The following ERICH3 variants were observed in gnomAD, a reference collection of about 807,000 sequenced individuals.
ERICH3 encodes the protein glutamate-rich protein 3.
In ERICH3, 126 loss-of-function variants were observed where a neutral mutation model predicts 131.1. The ratio of observed to expected loss-of-function variants is 0.96; its 90% CI spans 0.83 to 1.11. The LOEUF is 1.11. Ranked by LOEUF, ERICH3 falls within the 50% of genes most tolerant of loss-of-function variation. ERICH3 has a pLI of 0.00. For missense variants in ERICH3, 2,050 were observed against 1,810.7 expected, an observed-to-expected ratio of 1.13 and a Z score of -2.40; for synonymous variants, 695 against 644.6, an observed-to-expected ratio of 1.08 and a Z score of -1.18.
intron 5 of ERICH3, among the ~76,000 whole-genome samples, chr1:74,638,437 C>T (rs1327865030): frequency 6.6e-6 from 1 of 152,130 alleles, no homozygotes; most frequent in African/African-American, 2.4e-5. Context: ...GAGGCTAATA[C>T]AACTTAAAGT....
intron 1 of ERICH3, among the ~76,000 whole-genome samples, chr1:74,659,035 A>T (rs780883759): frequency 1.3e-5 from 2 of 152,202 alleles, no homozygotes; most frequent in Non-Finnish European, 2.9e-5. Context: ...TGAAAGGAAA[A>T]TATAACATGG....
rs1355477917 is a variant in ERICH3 at position 74,631,807 on chromosome 1, C to G, written c.725G>C (p.Gly242Ala). The G allele has an allele frequency of 4.3e-6, 7 of 1,613,324 alleles. No individual in the cohort carries two copies. Among genetic ancestry groups the G allele is most frequent in the Non-Finnish European group, 5.9e-6 (7 of 1,179,626 alleles). Residue 242 changes from glycine to alanine, a missense_variant, in exon 7 of 15, where the codon GGG becomes GCG. Gly to Ala is a moderately conservative substitution (Grantham distance 60). Transcript: ENST00000326665. Reference sequence around the variant, plus strand: ...AGATCTATTTTCTCTTGTGATTTTCCCAGTTGGGGGAAGTGGAGGAGGAAT... The same window carrying G: ...AGATCTATTTTCTCTTGTGATTTTCGCAGTTGGGGGAAGTGGAGGAGGAAT... Reference protein sequence around the residue: ...MPIPPPLPPTGKITRENRSET... With the variant: ...MPIPPPLPPTAKITRENRSET...
intron 12 of ERICH3, among the ~76,000 whole-genome samples, chr1:74,582,246 G>T (rs1647193594): frequency 6.6e-6 from 1 of 152,134 alleles, no homozygotes. Flanking sequence ...AGTCTAGGAT[G>T]ATTTCTTTTT....
chr1:74,624,200 A>C (rs559200388), intron 7 of ERICH3: 4 of 152,200 alleles, frequency 2.6e-5, no homozygotes, highest in Non-Finnish European at 5.9e-5. Flanking sequence ...ATAGAAACTC[A>C]ATAGTTACCA....
intron 6 of ERICH3, among the ~76,000 whole-genome samples, chr1:74,634,421 C>T (rs1437662861): frequency 3.9e-5 from 6 of 152,026 alleles, no homozygotes; most frequent in African/African-American, 4.8e-5. Flanking sequence ...CATTAGCTGC[C>T]TGTCTTTCAA....
chr1:74,658,873 A>G lies in ERICH3; in HGVS notation c.24-9558T>C, dbSNP rs1646612161. 2.0e-5 allele frequency among the ~76,000 whole-genome samples: 3 copies of G among 152,214 alleles called. No homozygotes were observed. The South Asian group carries it at 6.2e-4, about 32-fold the overall frequency. ...ATTTCCTCATCTGTAAAAGGGGAAA[A>G]TAATTGTGCCTTATATCACAGAATT... On this transcript the variant is annotated intron_variant, in intron 1 of 14. Transcript: ENST00000326665.
intron 1 of ERICH3, among the ~76,000 whole-genome samples, chr1:74,657,897 G>T (rs982633447): frequency 3.9e-5 from 6 of 152,098 alleles, no homozygotes; most frequent in Non-Finnish European, 8.8e-5. Context: ...TGCATTAATA[G>T]AAAAATTAAA....
chr1:74,649,310 A>G lies in ERICH3; in HGVS notation c.29T>C (p.Leu10Pro). MSHSHPAGL[L>P]AAYNSLMDKH... is the part of the protein sequence containing the mutation. ...ATCCATAAGGCTATTATATGCAGCA[A>G]GTAACCTAAAATACAAAAATAAAAC... is the stretch of plus-strand genomic sequence containing the variant. Residue 10 changes from leucine (L) to proline (P), a missense_variant, in exon 2 of 15, where the codon CTT (leucine) becomes CCT (proline). By Grantham distance (98) the Leu-to-Pro change is moderately conservative. Coordinates refer to ENST00000326665, the MANE Select transcript of ERICH3 (RefSeq NM_001002912.5). The G allele has an allele frequency of 6.2e-7, 1 of 1,609,756 alleles. No homozygotes were observed. Among genetic ancestry groups the G allele is most frequent in the East Asian group, 2.2e-5 (1 of 44,810 alleles).
At chr1:74,669,066 T>G (rs1324174162) in intron 1 of ERICH3, among the ~76,000 whole-genome samples, 2 of 151,958 alleles carry the variant, frequency 1.3e-5, no homozygotes, top group Admixed American at 6.6e-5. Context: ...CTCTCCTGGA[T>G]ACACATACTC....
intron 1 of ERICH3, among the ~76,000 whole-genome samples, chr1:74,663,540 C>G (rs1646661560): frequency 1.3e-5 from 2 of 150,914 alleles, no homozygotes; most frequent in South Asian, 4.2e-4. Context: ...AAGGCATGTC[C>G]ATTGCTGCAG....
intron 1 of ERICH3, among the ~76,000 whole-genome samples, chr1:74,673,206 G>C (rs530763007): frequency 7.6e-4 from 115 of 152,226 alleles, no homozygotes; most frequent in South Asian, 3.3e-3. Context: ...CCCAGCGAAG[G>C]TCCTTGCTTA....
intron 6 of ERICH3, chr1:74,634,738 A>T: frequency 2.9e-6 from 2 of 695,966 alleles, no homozygotes; most frequent in Non-Finnish European, 5.3e-6. Flanking sequence ...GACTTTGAGT[A>T]TTTCTAGTCC....
chr1:74,672,490 A>C (rs945381439), intron 1 of ERICH3, among the ~76,000 whole-genome samples: 4 of 152,220 alleles, frequency 2.6e-5, no homozygotes, highest in African/African-American at 9.6e-5. Context: ...GAATTCATTA[A>C]AAAGTAAAAT....
At chr1:74,660,989 GA>G (rs1310677630) in intron 1 of ERICH3, among the ~76,000 whole-genome samples, 2 of 150,806 alleles carry the variant, frequency 1.3e-5, no homozygotes, top group Admixed American at 1.3e-4. Flanking sequence ...TTATGAGAAA[GA>G]AAAAAAGAAG....
chr1:74,597,234 A>T (rs902606446), intron 11 of ERICH3, among the ~76,000 whole-genome samples: 7 of 152,068 alleles, frequency 4.6e-5, no homozygotes, highest in Non-Finnish European at 8.8e-5. Flanking sequence ...ACATACTAAA[A>T]GACATGTTTA....
Position 74,643,078 on chromosome 1 carries a change from T to C in ERICH3, c.264A>G (p.Ile88Met). 1 of 1,611,266 alleles carries C rather than the reference T, an allele frequency of 6.2e-7. No homozygotes were observed. Among genetic ancestry groups the C allele is most frequent in the Non-Finnish European group, 8.5e-7 (1 of 1,178,378 alleles). The part of the protein sequence containing the change: ...LDMERYHQLE[I>M]KKKLETLARK... ...TAGCTAAGGTCTCCAATTTCTTTTT[T>C]ATTTCAAGCTGATGGTAACGCTAAG... Residue 88 changes from isoleucine (I) to methionine (M), a missense_variant, in exon 4 of 15, where the codon ATA becomes ATG. Ile to Met is a conservative substitution (Grantham distance 10, BLOSUM62 1). Transcript: ENST00000326665.
chr1:74,631,726 G>T lies in ERICH3; in HGVS notation c.806C>A (p.Pro269His). The T allele has an allele frequency of 1.2e-6, 2 of 1,611,256 alleles. No individual in the cohort carries two copies. Among genetic ancestry groups the T allele is most frequent in the Non-Finnish European group, 1.7e-6 (2 of 1,177,602 alleles). Residue 269 changes from proline to histidine, a missense_variant, in exon 7 of 15, where the codon CCT (proline) becomes CAT (histidine). Coordinates refer to ENST00000326665, the MANE Select transcript of ERICH3 (RefSeq NM_001002912.5). ...RPTTAPNGLE[P>H]LLTKDSRRIH... ...TTCCATAATCACCTTTGTCAAAAGA[G>T]GTTCTAAGCCATTTGGAGCAGTGGT...
chr1:74,580,195 C>T (rs1437513014), intron 12 of ERICH3, among the ~76,000 whole-genome samples: 1 of 151,958 alleles, frequency 6.6e-6, no homozygotes, highest in Non-Finnish European at 1.5e-5. Context: ...TTACTCGATT[C>T]TTACTAAAGG....
intron 11 of ERICH3, 28 bp downstream of exon 11, chr1:74,599,667 A>G (rs552074801): frequency 2.0e-6 from 3 of 1,527,848 alleles, no homozygotes; most frequent in African/African-American, 1.4e-5. Flanking sequence ...TAAACAGCCT[A>G]TGTTACATGA....
Sources: allele counts gnomAD v4.1 joint callset (sites outside exome capture counted in the v4.1 genomes callset), GRCh38; gene constraint gnomAD v4.1.1; transcripts MANE v1.5; gene names NCBI Gene and HGNC (gene_info 2026-07-23, HGNC 2026-07-21).